The following MAP3K15 variants were observed in gnomAD, a reference collection of about 807,000 sequenced individuals.
The protein encoded by MAP3K15 is MAPK/ERK kinase kinase 15.
MAP3K15 carries 124 observed loss-of-function variants against 99.5 expected under a neutral mutation model. The ratio of observed to expected loss-of-function variants is 1.25; its 90% CI spans 1.08 to 1.45. The LOEUF (loss-of-function observed/expected upper bound fraction) is 1.45, where lower values mean the gene tolerates loss of function less well. Among genes scored for constraint, MAP3K15 ranks in the 40% most tolerant of loss-of-function variants. MAP3K15 has a pLI of 0.00. For synonymous variants in MAP3K15, 494 were observed against 439.6 expected (o/e 1.12, Z -1.55); for missense variants, 1,242 against 1,079.7 (o/e 1.15, Z -2.11).
intron 10 of MAP3K15, among the ~76,000 whole-genome samples, chrX:19,413,717 A>G (rs2063708979): frequency 1.0e-5 from 1 of 95,689 alleles, no homozygotes; most frequent in African/African-American, 4.0e-5. Flanking sequence ...ATAAAAAAAG[A>G]GGTGATAGCC....
chrX:19,481,606 A>G (rs1053220675), intron 3 of MAP3K15, among the ~76,000 whole-genome samples: 5 of 112,187 alleles, frequency 4.5e-5, no homozygotes, highest in African/African-American at 1.6e-4. Context: ...GCCCAATTTT[A>G]AACGGGCAAA....
At chrX:19,372,918 G>C in intron 21 of MAP3K15, 91 bp from the exon 22 acceptor site, 1 of 896,547 alleles carries the variant, frequency 1.1e-6, no homozygotes, top group Non-Finnish European at 1.6e-6. Flanking sequence ...GAAGGGCTGA[G>C]AGGTAACTGC....
At chrX:19,465,380 T>G (rs1247046344) in intron 3 of MAP3K15, among the ~76,000 whole-genome samples, 2 of 111,274 alleles carry the variant, frequency 1.8e-5, no homozygotes, top group Non-Finnish European at 3.8e-5. Flanking sequence ...CTGAGAATAC[T>G]TACATCCTGC....
At chrX:19,375,092 T>A (rs1457268659) in intron 19 of MAP3K15, among the ~76,000 whole-genome samples, 2 of 112,093 alleles carry the variant, frequency 1.8e-5, no homozygotes, top group Admixed American at 9.4e-5. Flanking sequence ...GCTGCAACCA[T>A]GTGAGTGAGC....
intron 23 of MAP3K15, 84 bp from the exon 24 acceptor site, chrX:19,371,148 T>C (rs2063372366): frequency 1.2e-6 from 1 of 841,704 alleles, no homozygotes; most frequent in Non-Finnish European, 1.7e-6. Flanking sequence ...CACGGCAACC[T>C]ACACTCATCC....
chrX:19,364,408 C>T (rs1209218822), intron 25 of MAP3K15, among the ~76,000 whole-genome samples: 1 of 111,661 alleles, frequency 9.0e-6, no homozygotes, highest in Non-Finnish European at 1.9e-5. Flanking sequence ...CAAATGGCCT[C>T]AGCAGCAGCC....
intron 20 of MAP3K15, among the ~76,000 whole-genome samples, chrX:19,373,971 G>A (rs751868412): frequency 5.4e-5 from 6 of 111,569 alleles, no homozygotes; most frequent in Non-Finnish European, 1.1e-4. Context: ...TTCCTTTTCA[G>A]GGGCCACTCT....
chrX:19,480,438 C>G (rs774188703), intron 3 of MAP3K15, among the ~76,000 whole-genome samples: 1 of 111,036 alleles, frequency 9.0e-6, no homozygotes, highest in Non-Finnish European at 1.9e-5. Flanking sequence ...TGTGATTGCA[C>G]TACTGCACCA....
intron 6 of MAP3K15, among the ~76,000 whole-genome samples, chrX:19,447,159 G>A (rs2064004217): frequency 9.0e-6 from 1 of 111,271 alleles, no homozygotes; most frequent in African/African-American, 3.3e-5. Flanking sequence ...CTCAGGAGTT[G>A]CTGGGATTAC....
chrX:19,429,877 G>A (rs1032734621), intron 7 of MAP3K15, among the ~76,000 whole-genome samples: 5 of 104,394 alleles, frequency 4.8e-5, no homozygotes, highest in African/African-American at 1.7e-4. Context: ...CTCTTATGAT[G>A]GAAATGAATG....
At chrX:19,413,528 G>A (rs1363754859) in intron 10 of MAP3K15, 64 bp from the exon 11 acceptor site, 16 of 857,185 alleles carry the variant, frequency 1.9e-5, no homozygotes, top group East Asian at 1.6e-4. Flanking sequence ...CCTGCCCAGC[G>A]AGGAGGCGGG....
intron 13 of MAP3K15, 41 bp from the exon 14 acceptor site, chrX:19,400,704 C>T (rs1312494377): frequency 2.2e-6 from 2 of 914,806 alleles, no homozygotes; most frequent in African/African-American, 3.9e-5. Flanking sequence ...CAACTCAGAA[C>T]TGCTCTCATT....
chrX:19,413,276 G>T, intron 11 of MAP3K15, 81 bp downstream of exon 11: 1 of 640,865 alleles, frequency 1.6e-6, no homozygotes, highest in African/African-American at 2.2e-5. Context: ...GTTAAACATG[G>T]GTGCCTTTTC....
intron 3 of MAP3K15, among the ~76,000 whole-genome samples, chrX:19,470,302 C>CA (rs1260335441): frequency 9.1e-6 from 1 of 110,246 alleles, no homozygotes; most frequent in Non-Finnish European, 1.9e-5. Context: ...ATCACAAGGA[C>CA]AAAAAATCAA....
intron 2 of MAP3K15, among the ~76,000 whole-genome samples, 198 bp downstream of exon 2, chrX:19,488,630 C>T (rs1025524617): frequency 4.5e-5 from 5 of 111,582 alleles, no homozygotes; most frequent in Admixed American, 2.9e-4. Flanking sequence ...TGCCTGCAAA[C>T]GTACGACTGT....
At chrX:19,507,297 G>A (rs186719445) in intron 1 of MAP3K15, among the ~76,000 whole-genome samples, 1 of 110,896 alleles carries the variant, frequency 9.0e-6, no homozygotes, top group Non-Finnish European at 1.9e-5. Context: ...AAACATTTGA[G>A]AAAGTATGAG....
rs1391037244 is a variant in MAP3K15, at chrX:19,372,573, G to A, written c.3108+80C>T. 3.1e-6 allele frequency: 3 copies of A among 962,659 alleles called. No individual in the cohort carries two copies. In the African/African-American group the frequency reaches 5.8e-5, roughly 19 times the overall value. The allele number at this position is 962,659 out of a possible 1,213,427, so 79.3% of individuals were successfully genotyped here. ...GATGTTCCAGGGCGGCAGGAACTGAGGTCCTGATTGGACCTGTCTGGGGAC... is the reference window on the plus strand; with the variant it reads ...GATGTTCCAGGGCGGCAGGAACTGAAGTCCTGATTGGACCTGTCTGGGGAC... On this transcript the variant is annotated intron_variant, in intron 22 of 28. Coordinates refer to ENST00000338883, the MANE Select transcript of MAP3K15 (RefSeq NM_001001671.4).
intron 7 of MAP3K15, among the ~76,000 whole-genome samples, chrX:19,430,735 T>C (rs2063874419): frequency 9.0e-6 from 1 of 110,914 alleles, no homozygotes; most frequent in Non-Finnish European, 1.9e-5. Context: ...CTGACCATCC[T>C]GGAGTGTGCC....
intron 2 of MAP3K15, among the ~76,000 whole-genome samples, chrX:19,488,168 T>C (rs2064342302): frequency 8.9e-6 from 1 of 112,229 alleles, no homozygotes; most frequent in Non-Finnish European, 1.9e-5. Flanking sequence ...CCACTGAATT[T>C]TGGAATAACT....
Sources: allele counts gnomAD v4.1 joint callset (sites outside exome capture counted in the v4.1 genomes callset), GRCh38; gene constraint gnomAD v4.1.1; transcripts MANE v1.5; gene names NCBI Gene and HGNC (gene_info 2026-07-23, HGNC 2026-07-21).